The following BAZ2B variants were observed in gnomAD, a reference collection of about 807,000 sequenced individuals.
BAZ2B encodes bromodomain adjacent to zinc finger domain protein 2B.
Under a neutral mutation model 246.0 loss-of-function variants are expected in BAZ2B, and 91 were observed. That is an observed-to-expected ratio of 0.37 (90% CI 0.31 to 0.44). The LOEUF (loss-of-function observed/expected upper bound fraction) is 0.44, where lower values mean the gene tolerates loss of function less well. BAZ2B is among the 20% of genes least tolerant of loss of function. The probability of loss-of-function intolerance (pLI) is 1.00; values close to 1 mark genes in which losing one functional copy is unlikely to be tolerated. For missense variants in BAZ2B, 2,332 were observed against 2,533.7 expected, an observed-to-expected ratio of 0.92 and a Z score of 1.71; for synonymous variants, 855 against 860.0, an observed-to-expected ratio of 0.99 and a Z score of 0.10.
intron 27 of BAZ2B, among the ~76,000 whole-genome samples, chr2:159,361,050 TGGTAACTAAAA>T (rs2059636522): frequency 6.6e-6 from 1 of 152,024 alleles, no homozygotes; most frequent in African/African-American, 2.4e-5. Context: ...GGCAAGGACT[TGGTAACTAAAA>T]CACTAAAAGC....
At chr2:159,375,257 G>C (rs919134385) in intron 25 of BAZ2B, among the ~76,000 whole-genome samples, 3 of 152,110 alleles carry the variant, frequency 2.0e-5, no homozygotes, top group African/African-American at 7.2e-5. Flanking sequence ...CCCAAAGCAG[G>C]AAAGTATAAG....
chr2:159,327,893 C>A (rs1343635185), intron 34 of BAZ2B, among the ~76,000 whole-genome samples: 1 of 151,906 alleles, frequency 6.6e-6, no homozygotes, highest in African/African-American at 2.4e-5. Flanking sequence ...GGTGAAACCC[C>A]GTCTCTACCA....
chr2:159,668,823 G>A, the BAZ2B span, among the ~76,000 whole-genome samples: 3 of 152,052 alleles, frequency 2.0e-5, no homozygotes, highest in Non-Finnish European at 2.9e-5. Flanking sequence ...TTGGGAGGCC[G>A]AGGCAGGCTG....
intron 2 of BAZ2B, among the ~76,000 whole-genome samples, chr2:159,543,859 A>C (rs1286122052): frequency 6.6e-6 from 1 of 152,236 alleles, no homozygotes; most frequent in Non-Finnish European, 1.5e-5. Context: ...TCAAACACTC[A>C]GTCGATGTAC....
intron 2 of BAZ2B, among the ~76,000 whole-genome samples, chr2:159,554,874 C>T (rs2088858500): frequency 6.6e-6 from 1 of 151,850 alleles, no homozygotes; most frequent in Non-Finnish European, 1.5e-5. Flanking sequence ...TAATATATGT[C>T]CTTACACACA....
chr2:159,625,981 T>C, the BAZ2B span, among the ~76,000 whole-genome samples: 1 of 147,428 alleles, frequency 6.8e-6, no homozygotes, highest in Non-Finnish European at 1.5e-5. Context: ...TGGAGGAATA[T>C]TTAGCAAGCA....
intron 8 of BAZ2B, 27 bp downstream of exon 8, chr2:159,438,276 T>A: frequency 6.3e-7 from 1 of 1,581,782 alleles, no homozygotes. Context: ...AATAGTAAAA[T>A]TCTTGTATAA....
At chr2:159,698,524 AAAAAC>A in the BAZ2B span, among the ~76,000 whole-genome samples, 3 of 145,822 alleles carry the variant, frequency 2.1e-5, no homozygotes, top group African/African-American at 7.9e-5. Flanking sequence ...ACAAAAAAAA[AAAAAC>A]AAAAAAAACA....
At chr2:159,583,237 C>CCCAAGTAGCTGGGATTA (rs1687266008) in intron 1 of BAZ2B, among the ~76,000 whole-genome samples, 1 of 151,954 alleles carries the variant, frequency 6.6e-6, no homozygotes, top group Non-Finnish European at 1.5e-5. Context: ...GCCTAAGCCT[C>CCCAAGTAGCTGGGATTA]CCAAGTAGCT....
chr2:159,527,780 C>G (rs908016631), intron 2 of BAZ2B, among the ~76,000 whole-genome samples: 1 of 152,108 alleles, frequency 6.6e-6, no homozygotes, highest in African/African-American at 2.4e-5. Context: ...GGAGAAAAAA[C>G]ACAAATATAT....
At chr2:159,670,172 T>C in the BAZ2B span, among the ~76,000 whole-genome samples, 4 of 152,138 alleles carry the variant, frequency 2.6e-5, no homozygotes, top group African/African-American at 7.2e-5. Context: ...GTTTTTACTG[T>C]GTTGGCCACG....
At chr2:159,491,415 G>C (rs1298175491) in intron 2 of BAZ2B, among the ~76,000 whole-genome samples, 5 of 152,034 alleles carry the variant, frequency 3.3e-5, no homozygotes, top group African/African-American at 1.2e-4. Context: ...CTCTCTAATT[G>C]ATGAGTATTA....
intron 1 of BAZ2B, among the ~76,000 whole-genome samples, chr2:159,614,678 T>C (rs1695493572): frequency 6.6e-6 from 1 of 152,164 alleles, no homozygotes; most frequent in Admixed American, 6.5e-5. Flanking sequence ...CACAAGTTTT[T>C]TACCATTTTT....
At chr2:159,344,260 G>A (rs922404346) in intron 31 of BAZ2B, among the ~76,000 whole-genome samples, 1 of 151,968 alleles carries the variant, frequency 6.6e-6, no homozygotes, top group African/African-American at 2.4e-5. Flanking sequence ...ACATCTGGCC[G>A]GGTGTGGTGG....
chr2:159,483,641 C>T lies in BAZ2B; in HGVS notation c.-2-4920G>A, dbSNP rs114171489. Among the ~76,000 whole-genome samples the T allele has an allele frequency of 5.0e-3, 755 of 151,964 alleles. 4 individuals are homozygous for T. The highest frequency in any genetic ancestry group is 0.031 in the South Asian group (149 of 4,818). On this transcript the variant is annotated intron_variant, in intron 2 of 36. Transcript: ENST00000392783. ...AAAATACAAAAATTAGCAAGACCCA[C>T]GCGGTAGTGGGTGCCTGTAATCCCA...
At chr2:159,553,336 A>T (rs761829365) in intron 2 of BAZ2B, among the ~76,000 whole-genome samples, 6 of 142,900 alleles carry the variant, frequency 4.2e-5, no homozygotes, top group Non-Finnish European at 7.5e-5. Context: ...CAGAGGCTGC[A>T]GTGAGCCAAG....
At chr2:159,417,444 T>G (rs1175857445) in intron 13 of BAZ2B, among the ~76,000 whole-genome samples, 1 of 152,220 alleles carries the variant, frequency 6.6e-6, no homozygotes, top group African/African-American at 2.4e-5. Context: ...GTGTTTGGAT[T>G]ACATGCGTGC....
intron 4 of BAZ2B, among the ~76,000 whole-genome samples, chr2:159,450,566 T>C (rs1459510110): frequency 6.6e-6 from 1 of 152,174 alleles, no homozygotes; most frequent in Non-Finnish European, 1.5e-5. Context: ...TCATAGGAAA[T>C]AATTTTTGTT....
intron 4 of BAZ2B, among the ~76,000 whole-genome samples, chr2:159,453,229 T>C (rs2075317395): frequency 6.6e-6 from 1 of 152,196 alleles, no homozygotes; most frequent in Non-Finnish European, 1.5e-5. Flanking sequence ...ACCTGAACTT[T>C]AGTTTCACAC....
Sources: allele counts gnomAD v4.1 joint callset (sites outside exome capture counted in the v4.1 genomes callset), GRCh38; gene constraint gnomAD v4.1.1; transcripts MANE v1.5; gene names NCBI Gene and HGNC (gene_info 2026-07-23, HGNC 2026-07-21).